OLFML2B: variants seen among roughly 807,000 people sequenced by gnomAD.
OLFML2B encodes the protein olfactomedin like 2B, also known as olfactomedin-like protein 2B.
In OLFML2B, 57 loss-of-function variants were observed where a neutral mutation model predicts 74.9. The observed-to-expected ratio is 0.76, with a 90% confidence interval of 0.61 to 0.95. OLFML2B has a LOEUF of 0.95. Ranked by LOEUF, OLFML2B falls within the 40% of genes least tolerant of loss-of-function variation. The pLI, the probability that OLFML2B is intolerant of heterozygous loss-of-function variation, is 0.00. For synonymous variants in OLFML2B, 388 were observed against 405.8 expected, an observed-to-expected ratio of 0.96 and a Z score of 0.53; for missense variants, 986 against 970.6, an observed-to-expected ratio of 1.02 and a Z score of -0.21.
chr1:161,988,816 C>A (rs1379508725), intron 6 of OLFML2B, among the ~76,000 whole-genome samples: 1 of 152,132 alleles, frequency 6.6e-6, no homozygotes, highest in African/African-American at 2.4e-5. Context: ...CAACTACCTA[C>A]AAGGCACTTT....
At chr1:161,999,673 T>C (rs1690026603) in intron 5 of OLFML2B, among the ~76,000 whole-genome samples, 1 of 152,138 alleles carries the variant, frequency 6.6e-6, no homozygotes, top group East Asian at 1.9e-4. Flanking sequence ...GGATCGTCTC[T>C]CTTCCATGAA....
At chr1:162,000,036 A>C in intron 5 of OLFML2B, 77 bp downstream of exon 5, 1 of 1,131,008 alleles carries the variant, frequency 8.8e-7, no homozygotes, top group Non-Finnish European at 1.3e-6. Flanking sequence ...GGCTCCCAGG[A>C]ATCCAGCCCA....
intron 6 of OLFML2B, among the ~76,000 whole-genome samples, chr1:161,994,862 G>A (rs564615318): frequency 1.4e-3 from 215 of 152,266 alleles, no homozygotes; most frequent in African/African-American, 5.0e-3. Flanking sequence ...ATCAGGATTG[G>A]AAACCATGGG....
chr1:161,998,950 A>G (rs1362100799), intron 5 of OLFML2B, among the ~76,000 whole-genome samples: 1 of 152,190 alleles, frequency 6.6e-6, no homozygotes, highest in Non-Finnish European at 1.5e-5. Context: ...TCGGGCACAA[A>G]GATTCCATGG....
At chr1:161,998,482 C>T in intron 5 of OLFML2B, 133 bp from the exon 6 acceptor site, 1 of 990,638 alleles carries the variant, frequency 1.0e-6, no homozygotes, top group Non-Finnish European at 1.5e-6. Flanking sequence ...CAGAGGGGGC[C>T]TGGCTGGGAT....
chr1:162,007,965 C>G (rs1237251205), intron 3 of OLFML2B, among the ~76,000 whole-genome samples: 1 of 152,164 alleles, frequency 6.6e-6, no homozygotes, highest in Non-Finnish European at 1.5e-5. Flanking sequence ...GAGCTAAGTT[C>G]CATGAGAAAG....
chr1:162,009,891 C>T (rs1280625949), intron 3 of OLFML2B, among the ~76,000 whole-genome samples: 2 of 152,210 alleles, frequency 1.3e-5, no homozygotes, highest in Admixed American at 6.5e-5. Flanking sequence ...GGGGATGCCA[C>T]CTGCACAGGG....
intron 6 of OLFML2B, among the ~76,000 whole-genome samples, chr1:161,989,649 T>C (rs908778064): frequency 2.0e-5 from 3 of 152,338 alleles, no homozygotes; most frequent in Non-Finnish European, 4.4e-5. Flanking sequence ...GCTGTCACCA[T>C]CTTGAATATC....
chr1:162,003,134 G>A (rs1274084983), intron 4 of OLFML2B, among the ~76,000 whole-genome samples: 3 of 152,146 alleles, frequency 2.0e-5, no homozygotes, highest in Non-Finnish European at 4.4e-5. Flanking sequence ...TTAAGCCTCT[G>A]CCTGCAGCTG....
chr1:161,997,982 G>T lies in OLFML2B; in HGVS notation c.1317C>A (p.Pro439=). 1 of 1,614,202 alleles carries T rather than the reference G, an allele frequency of 6.2e-7. No individual in the cohort carries two copies. Among genetic ancestry groups the T allele is most frequent in the Non-Finnish European group, 8.5e-7 (1 of 1,180,032 alleles). ...GCATAGCTTCCATCAATGCCTCCCT[G>T]GGAGACACTGCCGGAGGAGCTGGGG... ...PAAPAPPAVS[P]REALMEAMHT... is the part of the protein sequence containing the mutation. The change falls in exon 6 of 8, where the codon CCC becomes CCA. Residue 439 remains proline (P), a synonymous_variant. Transcript: ENST00000294794.
intron 2 of OLFML2B, among the ~76,000 whole-genome samples, chr1:162,018,984 T>A (rs1234758336): frequency 6.6e-6 from 1 of 152,184 alleles, no homozygotes; most frequent in Non-Finnish European, 1.5e-5. Context: ...TACAACTGAG[T>A]GAGTGTGGCA....
intron 6 of OLFML2B, among the ~76,000 whole-genome samples, chr1:161,994,154 C>T (rs1234441252): frequency 6.6e-6 from 1 of 152,250 alleles, no homozygotes. Context: ...GAGACTGAGA[C>T]CAGTGGAGCT....
At chr1:162,001,538 C>T (rs1690079419) in intron 4 of OLFML2B, among the ~76,000 whole-genome samples, 1 of 152,212 alleles carries the variant, frequency 6.6e-6, no homozygotes, top group Non-Finnish European at 1.5e-5. Flanking sequence ...GCTGATCATG[C>T]CAGCCCTGGA....
At chr1:161,985,035 C>A in intron 6 of OLFML2B, 55 bp from the exon 7 acceptor site, 2 of 1,529,052 alleles carry the variant, frequency 1.3e-6, no homozygotes, top group South Asian at 1.2e-5. Context: ...TGCCTCACCC[C>A]TTAAACCTTT....
chr1:162,015,477 G>A (rs1043339824), intron 3 of OLFML2B, among the ~76,000 whole-genome samples: 1 of 152,174 alleles, frequency 6.6e-6, no homozygotes, highest in Non-Finnish European at 1.5e-5. Flanking sequence ...CAGGCAGAAT[G>A]GCAACTGTTT....
chr1:162,013,706 T>G (rs1295685286), intron 3 of OLFML2B, among the ~76,000 whole-genome samples: 3 of 152,112 alleles, frequency 2.0e-5, no homozygotes, highest in African/African-American at 7.2e-5. Context: ...GGAATGTCCA[T>G]AGGGCTATTC....
Position 162,006,362 on chromosome 1 carries a change from CTAGGATGTTTTCAGAGCA to C in OLFML2B, c.640_657del (p.Cys214_Leu219del). The C allele has an allele frequency of 1.2e-6, 2 of 1,612,882 alleles. No homozygotes were observed. Among genetic ancestry groups the C allele is most frequent in the Non-Finnish European group, 1.7e-6 (2 of 1,179,702 alleles). ...GCTGAGCGGATGTCTGGCATGCTATCTAGGATGTTTTCAGAGCAATTTTCTTTGCCTCGCTTATTCATC... is the reference window on the plus strand; with the variant it reads ...GCTGAGCGGATGTCTGGCATGCTATCATTTTCTTTGCCTCGCTTATTCATC... On this transcript the variant is annotated inframe_deletion, in exon 4 of 8. Coordinates refer to ENST00000294794, the MANE Select transcript of OLFML2B (RefSeq NM_015441.3).
intron 6 of OLFML2B, among the ~76,000 whole-genome samples, chr1:161,989,287 T>C (rs1689673145): frequency 6.6e-6 from 1 of 152,206 alleles, no homozygotes; most frequent in African/African-American, 2.4e-5. Flanking sequence ...CTTACTGTTG[T>C]CATCTGCCTT....
intron 6 of OLFML2B, among the ~76,000 whole-genome samples, chr1:161,992,423 T>C (rs1443531290): frequency 2.0e-5 from 3 of 152,278 alleles, no homozygotes; most frequent in Non-Finnish European, 4.4e-5. Flanking sequence ...ATGTGTTTAC[T>C]GGAGTAGCAC....
Sources: gnomAD v4.1 joint callset for allele counts (sites outside exome capture counted in the v4.1 genomes callset) on GRCh38, gnomAD v4.1.1 for gene constraint, MANE v1.5 for transcripts, NCBI Gene and HGNC (gene_info 2026-07-23, HGNC 2026-07-21) for gene names.